Variants in CACNA1D observed in about 807,000 individuals in gnomAD.
The protein encoded by CACNA1D is calcium voltage-gated channel subunit alpha1 D.
CACNA1D carries 55 observed loss-of-function variants against 257.1 expected under a neutral mutation model. The ratio of observed to expected loss-of-function variants is 0.21; its 90% CI spans 0.17 to 0.27. The LOEUF is 0.27. Among genes scored for constraint, CACNA1D ranks in the 10% least tolerant of loss-of-function variants. The probability of loss-of-function intolerance (pLI) is 1.00; values close to 1 mark genes in which losing one functional copy is unlikely to be tolerated. For missense variants in CACNA1D, 1,876 were observed against 2,784.0 expected, an observed-to-expected ratio of 0.67 and a Z score of 7.34; for synonymous variants, 980 against 1,014.9, an observed-to-expected ratio of 0.97 and a Z score of 0.65.
At chr3:53,720,840 T>A (rs2094875792) in intron 11 of CACNA1D, among the ~76,000 whole-genome samples, 1 of 152,230 alleles carries the variant, frequency 6.6e-6, no homozygotes, top group South Asian at 2.1e-4. Flanking sequence ...GTTTGGTAGT[T>A]CCTCATAAAG....
rs2094902327 is a variant in CACNA1D, at chr3:53,723,480, G to A, written c.1713G>A (p.Leu571=). ...VLLALFTCEM[L]VKMYSLGLQA... ...TGGCTCTGTTCACCTGCGAGATGCT[G>A]GTAAAAATGTACAGCTTGGGCCTCC... The change falls in exon 13 of 48, where the codon CTG becomes CTA. Residue 571 remains leucine (L), a synonymous_variant. Transcript: ENST00000350061. The surrounding 1 kb of genome is among the most constrained non-coding windows in gnomAD (Gnocchi z 5.6). 1.2e-6 allele frequency: 2 copies of A among 1,614,080 alleles called. No homozygotes were observed. Among genetic ancestry groups the A allele is most frequent in the South Asian group, 1.1e-5 (1 of 91,080 alleles).
intron 11 of CACNA1D, among the ~76,000 whole-genome samples, chr3:53,720,260 C>G (rs1314905707): frequency 6.6e-6 from 1 of 152,148 alleles, no homozygotes; most frequent in Non-Finnish European, 1.5e-5. Context: ...TATATAAACA[C>G]TAACTTAAAA....
chr3:53,758,295 A>T (rs2095278851), intron 29 of CACNA1D, among the ~76,000 whole-genome samples: 1 of 152,232 alleles, frequency 6.6e-6, no homozygotes, highest in Non-Finnish European at 1.5e-5. Context: ...AATCCCTGCC[A>T]GCATGGGTAA....
At chr3:53,557,052 A>C (rs142520448) in intron 3 of CACNA1D, among the ~76,000 whole-genome samples, 141 of 152,276 alleles carry the variant, frequency 9.3e-4, no homozygotes, top group African/African-American at 3.1e-3. Context: ...GCAGAGCAAA[A>C]GTTTTAAATT....
chr3:53,689,711 T>C (rs778387311), intron 8 of CACNA1D, among the ~76,000 whole-genome samples: 35 of 152,192 alleles, frequency 2.3e-4, no homozygotes, highest in African/African-American at 5.3e-4. Flanking sequence ...CAGGCAGCAG[T>C]GCAATGGTGC....
intron 8 of CACNA1D, among the ~76,000 whole-genome samples, chr3:53,681,597 G>A (rs1404885403): frequency 6.6e-6 from 1 of 152,152 alleles, no homozygotes; most frequent in East Asian, 1.9e-4. Context: ...TGGGATGTAG[G>A]CACCAGGGTT....
intron 17 of CACNA1D, 34 bp from the exon 18 acceptor site, chr3:53,731,982 C>G: frequency 7.2e-7 from 1 of 1,387,238 alleles, no homozygotes; most frequent in Non-Finnish European, 1.0e-6. Context: ...TTAAGTCAGT[C>G]TCCCCTCCTC....
intron 30 of CACNA1D, among the ~76,000 whole-genome samples, chr3:53,765,167 G>C (rs1265145318): frequency 6.6e-6 from 1 of 152,164 alleles, no homozygotes. Context: ...CTTAACCTCT[G>C]GTGTAAATAC....
intron 3 of CACNA1D, among the ~76,000 whole-genome samples, chr3:53,541,632 C>T (rs573155332): frequency 9.9e-5 from 15 of 152,226 alleles, no homozygotes; most frequent in South Asian, 2.1e-4. Flanking sequence ...TTTGTTAAAG[C>T]GGAAATGTTT....
chr3:53,712,110 C>T (rs1261868786), intron 9 of CACNA1D, among the ~76,000 whole-genome samples: 1 of 152,194 alleles, frequency 6.6e-6, no homozygotes, highest in African/African-American at 2.4e-5. Flanking sequence ...ATTTCTGTCC[C>T]CAGAAAAGAA....
At chr3:53,748,878 G>A (rs1443960806) in intron 26 of CACNA1D, among the ~76,000 whole-genome samples, 1 of 152,176 alleles carries the variant, frequency 6.6e-6, no homozygotes, top group Admixed American at 6.5e-5. Flanking sequence ...TCTGTTTGGG[G>A]AAGCACCCTT....
At chr3:53,536,677 T>C (rs560690323) in intron 3 of CACNA1D, among the ~76,000 whole-genome samples, 4 of 152,360 alleles carry the variant, frequency 2.6e-5, no homozygotes, top group African/African-American at 9.6e-5. Context: ...AGCTGAAGAA[T>C]AGTAATATCT....
chr3:53,624,832 AG>A (rs1165554290), intron 3 of CACNA1D, among the ~76,000 whole-genome samples: 1 of 152,214 alleles, frequency 6.6e-6, no homozygotes, highest in Non-Finnish European at 1.5e-5. Context: ...GGGATTGTGT[AG>A]GGGCAAACAG....
intron 3 of CACNA1D, among the ~76,000 whole-genome samples, chr3:53,581,350 A>G (rs74342856): frequency 0.018 from 2,778 of 152,222 alleles, 98 homozygotes; most frequent in African/African-American, 0.064. Flanking sequence ...AGTAACAACA[A>G]TTACCTGCAG....
intron 2 of CACNA1D, among the ~76,000 whole-genome samples, chr3:53,498,985 A>C (rs1032402776): frequency 6.6e-6 from 1 of 152,164 alleles, no homozygotes; most frequent in Non-Finnish European, 1.5e-5. Flanking sequence ...GCCCAGTGGC[A>C]TTGCTAGATT....
chr3:53,726,362 G>A (rs1162169155), intron 14 of CACNA1D, among the ~76,000 whole-genome samples: 2 of 152,236 alleles, frequency 1.3e-5, no homozygotes. Context: ...TCTTGGCTGG[G>A]TGAGGTGGCT....
intron 8 of CACNA1D, among the ~76,000 whole-genome samples, chr3:53,691,109 T>A (rs535004420): frequency 6.6e-6 from 1 of 151,968 alleles, no homozygotes; most frequent in South Asian, 2.1e-4. Context: ...TCAGAGAGAG[T>A]GATGGCAGAA....
chr3:53,499,891 G>T (rs2090516042), intron 2 of CACNA1D, among the ~76,000 whole-genome samples: 1 of 152,078 alleles, frequency 6.6e-6, no homozygotes, highest in Admixed American at 6.5e-5. Context: ...GAATTCTGAA[G>T]TCTTAAGGTG....
At chr3:53,690,836 A>G (rs2094512807) in intron 8 of CACNA1D, among the ~76,000 whole-genome samples, 1 of 152,114 alleles carries the variant, frequency 6.6e-6, no homozygotes, top group Admixed American at 6.5e-5. Flanking sequence ...GGCCCTTCAC[A>G]CAGCAAACTG....
Sources: allele counts gnomAD v4.1 joint callset (sites outside exome capture counted in the v4.1 genomes callset), GRCh38; gene constraint gnomAD v4.1.1; non-coding constraint Gnocchi (gnomAD v3.1); transcripts MANE v1.5; gene names NCBI Gene and HGNC (gene_info 2026-07-23, HGNC 2026-07-21).